SWAP70: variants seen among roughly 807,000 people sequenced by gnomAD.
The protein encoded by SWAP70 is switching B cell complex subunit SWAP70.
In SWAP70, 34 loss-of-function variants were observed where a neutral mutation model predicts 80.2. That is an observed-to-expected ratio of 0.42 (90% confidence interval 0.32 to 0.56). The LOEUF is 0.56. Among genes scored for constraint, SWAP70 ranks in the 20% least tolerant of loss-of-function variants. The probability of loss-of-function intolerance (pLI) is 0.09; values close to 1 mark genes in which losing one functional copy is unlikely to be tolerated. For synonymous variants in SWAP70, 239 were observed against 238.5 expected, an observed-to-expected ratio of 1.00 and a Z score of -0.02; for missense variants, 578 against 690.7, an observed-to-expected ratio of 0.84 and a Z score of 1.83.
chr11:9,702,320 G>A (rs986319294), intron 2 of SWAP70, among the ~76,000 whole-genome samples: 2 of 151,974 alleles, frequency 1.3e-5, no homozygotes, highest in East Asian at 3.8e-4. Flanking sequence ...CCAAACCCGT[G>A]CTTTCATGTG....
chr11:9,679,514 G>A (rs1850541234), intron 1 of SWAP70, among the ~76,000 whole-genome samples: 1 of 152,178 alleles, frequency 6.6e-6, no homozygotes, highest in Non-Finnish European at 1.5e-5. Context: ...ACTGACTCCA[G>A]TCTCAGTGAT....
chr11:9,671,625 TAA>T (rs1850398494), intron 1 of SWAP70, among the ~76,000 whole-genome samples: 1 of 82,004 alleles, frequency 1.2e-5, no homozygotes, highest in African/African-American at 4.9e-5. Context: ...TATTTCTATA[TAA>T]ATATATAAAT....
intron 9 of SWAP70, chr11:9,740,737 C>T (rs1042118185): frequency 1.4e-5 from 3 of 220,298 alleles, no homozygotes; most frequent in Admixed American, 5.2e-5. Context: ...TTCAGGCCAA[C>T]GTTGCCGTCA....
rs184947793 is a variant in SWAP70, at chr11:9,732,846, G to C, written c.1080+136G>C. On this transcript the variant is annotated intron_variant, in intron 7 of 11. Coordinates refer to ENST00000318950, the MANE Select transcript of SWAP70 (RefSeq NM_015055.4). ...AGATACTTGTGGTGAACTGTTCTCA[G>C]AAGTGTTTCCAGACCATCAAGTGAG... The C allele has an allele frequency of 4.3e-5, 36 of 837,258 alleles. No homozygotes were observed. In the Admixed American group the frequency reaches 9.2e-4, roughly 21 times the overall value. The allele number at this position is 837,258 out of a possible 1,614,324, so 51.9% of individuals were successfully genotyped here.
chr11:9,693,507 C>G (rs1850719736), intron 1 of SWAP70, among the ~76,000 whole-genome samples: 1 of 152,158 alleles, frequency 6.6e-6, no homozygotes, highest in Non-Finnish European at 1.5e-5. Context: ...AATCCAGGCC[C>G]TTGATTTCTT....
chr11:9,738,086 T>G, intron 7 of SWAP70, 127 bp from the exon 8 acceptor site: 1 of 520,196 alleles, frequency 1.9e-6, no homozygotes. Context: ...AAGTTTTTAT[T>G]CTATTATCTT....
intron 4 of SWAP70, among the ~76,000 whole-genome samples, chr11:9,725,599 A>C (rs1851213317): frequency 7.9e-6 from 1 of 127,266 alleles, no homozygotes; most frequent in Non-Finnish European, 1.6e-5. Context: ...CCAAGACGGA[A>C]TTTCACGCTG....
chr11:9,691,049 C>G (rs1033897826), intron 1 of SWAP70, among the ~76,000 whole-genome samples: 1 of 152,144 alleles, frequency 6.6e-6, no homozygotes, highest in Admixed American at 6.6e-5. Context: ...TCCCAGGTAG[C>G]TGGGACTACA....
At chr11:9,686,000 A>G (rs1017594137) in intron 1 of SWAP70, among the ~76,000 whole-genome samples, 6 of 152,186 alleles carry the variant, frequency 3.9e-5, no homozygotes, top group Admixed American at 6.5e-5. Flanking sequence ...TGGGGGACAC[A>G]TTCAGACCAT....
At chr11:9,725,093 G>A (rs1309378197) in intron 4 of SWAP70, 1 of 521,088 alleles carries the variant, frequency 1.9e-6, no homozygotes, top group South Asian at 2.6e-5. Flanking sequence ...TCCATCTCCT[G>A]GGTTCAAGGG....
At position 9,664,188 on chromosome 11, in the gene SWAP70, C is replaced by A; in HGVS notation, c.9C>A (p.Ser3Arg). The change falls in exon 1 of 12, where the codon AGC (serine) becomes AGA (arginine). Residue 3 changes from serine (S) to arginine (R), a missense_variant. Coordinates refer to ENST00000318950, the MANE Select transcript of SWAP70 (RefSeq NM_015055.4). The part of the protein sequence containing the change: MG[S>R]LKEELLKAIW... ...GCAGCAGGGCCGCGGCCATGGGGAG[C>A]TTGAAGGAGGAGCTGCTCAAAGCCA... The A allele has an allele frequency of 6.3e-7, 1 of 1,580,976 alleles. No homozygotes were observed. Among genetic ancestry groups the A allele is most frequent in the Non-Finnish European group, 8.6e-7 (1 of 1,165,420 alleles).
intron 1 of SWAP70, among the ~76,000 whole-genome samples, chr11:9,678,350 A>G (rs564560742): frequency 1.3e-5 from 2 of 152,290 alleles, no homozygotes; most frequent in South Asian, 2.1e-4. Flanking sequence ...TAGTAAGGGC[A>G]GCTCTCTAAA....
At chr11:9,670,163 GC>G (rs1319874892) in intron 1 of SWAP70, among the ~76,000 whole-genome samples, 5 of 152,000 alleles carry the variant, frequency 3.3e-5, no homozygotes, top group Non-Finnish European at 5.9e-5. Flanking sequence ...CATTGCAATA[GC>G]CCCGATAAGA....
At chr11:9,681,703 T>A (rs556445327) in intron 1 of SWAP70, among the ~76,000 whole-genome samples, 1 of 152,236 alleles carries the variant, frequency 6.6e-6, no homozygotes, top group South Asian at 2.1e-4. Flanking sequence ...ATGAGCAAAC[T>A]GGCAATTCAA....
chr11:9,697,164 G>A (rs187867884), intron 2 of SWAP70, among the ~76,000 whole-genome samples: 1 of 151,560 alleles, frequency 6.6e-6, no homozygotes, highest in African/African-American at 2.4e-5. Flanking sequence ...TTATTTATAT[G>A]TATAATTTTT....
chr11:9,677,256 T>A (rs182647823), intron 1 of SWAP70, among the ~76,000 whole-genome samples: 1,745 of 152,160 alleles, frequency 0.011, 27 homozygotes, highest in African/African-American at 0.027. Flanking sequence ...ACAATTTTTT[T>A]AAAAAATTAT....
At chr11:9,712,108 T>C (rs1388623530) in intron 2 of SWAP70, among the ~76,000 whole-genome samples, 1 of 152,184 alleles carries the variant, frequency 6.6e-6, no homozygotes, top group Non-Finnish European at 1.5e-5. Context: ...GATGTCAAGA[T>C]TGTGTTAGCT....
At chr11:9,678,938 G>A (rs1439701881) in intron 1 of SWAP70, among the ~76,000 whole-genome samples, 1 of 152,126 alleles carries the variant, frequency 6.6e-6, no homozygotes, top group South Asian at 2.1e-4. Flanking sequence ...CCAAGACTGC[G>A]TTTCATGAAA....
chr11:9,675,320 C>CGAGAGAGAGACAGAGGGAGCGA lies in SWAP70; in HGVS notation c.99+11052_99+11053insCAGAGGGAGCGAGAGAGAGAGA, dbSNP rs1565111546. 1.3e-4 allele frequency among the ~76,000 whole-genome samples: 4 copies of CGAGAGAGAGACAGAGGGAGCGA among 31,464 alleles called. 1 individual carries two copies. The highest frequency in any genetic ancestry group is 2.0e-4 in the Non-Finnish European group (2 of 10,010). 20.6% of individuals were successfully genotyped at this position (31,464 alleles called of 152,430 possible). A position where few individuals can be genotyped will look rare whatever the true frequency, so the allele number is the denominator to read the frequency against. On this transcript the variant is annotated intron_variant, in intron 1 of 11. Coordinates refer to ENST00000318950, the MANE Select transcript of SWAP70 (RefSeq NM_015055.4). ...AAGAAAGAAAGAAACAGAGAGGGAG[C>CGAGAGAGAGACAGAGGGAGCGA]GAGAGAGAGAGAGAGAGAGAGGGAG...
Sources: allele counts gnomAD v4.1 joint callset (sites outside exome capture counted in the v4.1 genomes callset), GRCh38; gene constraint gnomAD v4.1.1; transcripts MANE v1.5; gene names NCBI Gene and HGNC (gene_info 2026-07-23, HGNC 2026-07-21).